Variants in ANKMY2 observed in about 807,000 individuals in gnomAD.
ANKMY2 encodes ankyrin repeat and MYND domain containing 2.
In ANKMY2, 36 loss-of-function variants were observed where a neutral mutation model predicts 50.4. That is an observed-to-expected ratio of 0.71 (90% CI 0.55 to 0.94). The LOEUF is 0.94. Among genes scored for constraint, ANKMY2 ranks in the 40% least tolerant of loss-of-function variants. The probability of loss-of-function intolerance (pLI) is 0.00; values close to 1 mark genes in which losing one functional copy is unlikely to be tolerated. For missense variants in ANKMY2, 565 were observed against 524.0 expected (o/e 1.08, Z -0.76); for synonymous variants, 187 against 178.8 (o/e 1.05, Z -0.36).
At chr7:16,621,968 C>CAAAA (rs1241073737) in intron 4 of ANKMY2, among the ~76,000 whole-genome samples, 2 of 148,158 alleles carry the variant, frequency 1.3e-5, no homozygotes, top group South Asian at 2.1e-4. Flanking sequence ...GACTCCATCT[C>CAAAA]AAAAAAATAA....
intron 1 of ANKMY2, among the ~76,000 whole-genome samples, chr7:16,641,064 T>A (rs1781737894): frequency 6.6e-6 from 1 of 152,108 alleles, no homozygotes; most frequent in South Asian, 2.1e-4. Context: ...TGAAACCCCA[T>A]CTCTACTAAA....
At chr7:16,628,742 C>A (rs1035954785) in intron 2 of ANKMY2, among the ~76,000 whole-genome samples, 2 of 152,098 alleles carry the variant, frequency 1.3e-5, no homozygotes, top group Non-Finnish European at 2.9e-5. Flanking sequence ...AAGCAAACAG[C>A]TGTTTCTTTT....
intron 7 of ANKMY2, 151 bp downstream of exon 7, chr7:16,609,479 C>T: frequency 1.3e-6 from 1 of 778,622 alleles, no homozygotes; most frequent in Non-Finnish European, 1.8e-6. Flanking sequence ...TAAACAGGAA[C>T]AGGTTTGGCA....
chr7:16,618,768 G>C (rs1349497083), intron 4 of ANKMY2, among the ~76,000 whole-genome samples: 1 of 152,176 alleles, frequency 6.6e-6, no homozygotes, highest in Non-Finnish European at 1.5e-5. Flanking sequence ...AATGCAAGTG[G>C]GTTATGAACA....
In ANKMY2 at chr7:16,610,575, C is replaced by T; in HGVS notation, c.720G>A (p.Glu240=). Reference sequence around the variant, plus strand: ...TTTTGATCAAGGTGTCCAGTTTATTCTCTCCATCTTTTAAGAAGTTAATGC... The same window carrying T: ...TTTTGATCAAGGTGTCCAGTTTATTTTCTCCATCTTTTAAGAAGTTAATGC... The part of the protein sequence containing the change: ...QKCINFLKDG[E]NKLDTLIKSL... The change falls in exon 6 of 10, where the codon GAG becomes GAA. Residue 240 remains glutamate, a synonymous_variant. Coordinates refer to ENST00000306999, the MANE Select transcript of ANKMY2 (RefSeq NM_020319.3). The T allele has an allele frequency of 6.2e-7, 1 of 1,613,572 alleles. No individual in the cohort carries two copies. The highest frequency in any genetic ancestry group is 8.5e-7 in the Non-Finnish European group (1 of 1,179,682).
chr7:16,607,561 C>A (rs1781180582), intron 7 of ANKMY2, among the ~76,000 whole-genome samples: 1 of 151,918 alleles, frequency 6.6e-6, no homozygotes, highest in African/African-American at 2.4e-5. Flanking sequence ...AAACAAGACC[C>A]CCCTCAATAA....
chr7:16,638,794 G>C (rs988643786), intron 1 of ANKMY2, among the ~76,000 whole-genome samples: 2 of 152,120 alleles, frequency 1.3e-5, no homozygotes, highest in Non-Finnish European at 2.9e-5. Flanking sequence ...AATTCCAAGG[G>C]ATTAGAAACT....
intron 2 of ANKMY2, among the ~76,000 whole-genome samples, chr7:16,629,210 A>G (rs2128345227): frequency 6.6e-6 from 1 of 152,046 alleles, no homozygotes; most frequent in South Asian, 2.1e-4. Context: ...ATTGGTTTTT[A>G]GAGCAAACCA....
intron 2 of ANKMY2, among the ~76,000 whole-genome samples, chr7:16,628,921 A>G (rs1388969195): frequency 6.7e-6 from 1 of 148,692 alleles, no homozygotes; most frequent in Non-Finnish European, 1.5e-5. Flanking sequence ...ACAAAACAAA[A>G]CAAAACAAAA....
At chr7:16,620,765 A>G (rs755103296) in intron 4 of ANKMY2, among the ~76,000 whole-genome samples, 1 of 152,242 alleles carries the variant, frequency 6.6e-6, no homozygotes, top group Non-Finnish European at 1.5e-5. Flanking sequence ...AACATTTTAG[A>G]TTACAAAACA....
intron 1 of ANKMY2, among the ~76,000 whole-genome samples, chr7:16,642,583 GT>G (rs1781760601): frequency 6.6e-6 from 1 of 151,160 alleles, no homozygotes; most frequent in South Asian, 2.1e-4. Flanking sequence ...TTGCTGAAAA[GT>G]TGTTAGTTCA....
At chr7:16,644,502 G>GTAAA (rs1781790123) in intron 1 of ANKMY2, 1 of 327,286 alleles carries the variant, frequency 3.1e-6, no homozygotes, top group Admixed American at 4.3e-5. Flanking sequence ...TGGCTACTAA[G>GTAAA]TAAATAAAAC....
intron 8 of ANKMY2, among the ~76,000 whole-genome samples, chr7:16,603,854 G>A (rs771813408): frequency 1.4e-4 from 22 of 152,206 alleles, no homozygotes; most frequent in Non-Finnish European, 1.3e-4. Flanking sequence ...AGAGTCACAT[G>A]GAGCACAACT....
intron 4 of ANKMY2, among the ~76,000 whole-genome samples, chr7:16,616,201 C>T (rs1290868908): frequency 6.6e-6 from 1 of 152,170 alleles, no homozygotes; most frequent in Non-Finnish European, 1.5e-5. Flanking sequence ...TAAGTATTTT[C>T]TAACAGTTGC....
At chr7:16,616,640 G>A (rs1174070966) in intron 4 of ANKMY2, among the ~76,000 whole-genome samples, 1 of 152,238 alleles carries the variant, frequency 6.6e-6, no homozygotes, top group Non-Finnish European at 1.5e-5. Context: ...TGGGCAAGCA[G>A]GCAGAAGCCA....
At chr7:16,613,468 C>T (rs1348033955) in intron 5 of ANKMY2, among the ~76,000 whole-genome samples, 11 of 152,066 alleles carry the variant, frequency 7.2e-5, no homozygotes, top group Admixed American at 2.6e-4. Context: ...GAAAAGGTTT[C>T]GAGCGAATAG....
chr7:16,642,050 T>C (rs1162219148), intron 1 of ANKMY2, among the ~76,000 whole-genome samples: 1 of 54,656 alleles, frequency 1.8e-5, no homozygotes, highest in Non-Finnish European at 3.8e-5. Flanking sequence ...GTGCAATTTA[T>C]TGTATCTCAA....
chr7:16,624,971 G>A lies in ANKMY2; in HGVS notation c.370+12C>T. 1 of 1,611,498 alleles carries A rather than the reference G, an allele frequency of 6.2e-7. No individual in the cohort carries two copies. Among genetic ancestry groups the A allele is most frequent in the Admixed American group, 1.7e-5 (1 of 59,740 alleles). On this transcript the variant is annotated intron_variant, in intron 4 of 9. Transcript: ENST00000306999. Reference sequence around the variant, plus strand: ...GGGTATAATCTAATGCAAAACTGCAGCAAAATCTCACCCACAAAGGCTGCC... The same window carrying A: ...GGGTATAATCTAATGCAAAACTGCAACAAAATCTCACCCACAAAGGCTGCC...
Position 16,609,730 on chromosome 7 carries a change from A to T in ANKMY2, c.782T>A (p.Val261Glu). ...LKGRASDGFP[V>E]YQEKIIRESI... Reference sequence around the variant, plus strand: ...TTCTCTAATGATCTTTTCTTGATACACTGGAAAGCCATCAGAAGCTCGGCC... The same window carrying T: ...TTCTCTAATGATCTTTTCTTGATACTCTGGAAAGCCATCAGAAGCTCGGCC... The change falls in exon 7 of 10, where the codon GTG becomes GAG. Residue 261 changes from valine to glutamate, a missense_variant. Coordinates refer to ENST00000306999, the MANE Select transcript of ANKMY2 (RefSeq NM_020319.3). The T allele has an allele frequency of 9.9e-6, 16 of 1,610,588 alleles. No individual in the cohort carries two copies. The highest frequency in any genetic ancestry group is 1.4e-5 in the Non-Finnish European group (16 of 1,178,962).
Sources: gnomAD v4.1 joint callset for allele counts (sites outside exome capture counted in the v4.1 genomes callset) on GRCh38, gnomAD v4.1.1 for gene constraint, MANE v1.5 for transcripts, NCBI Gene and HGNC (gene_info 2026-07-23, HGNC 2026-07-21) for gene names.